INIP: variants seen among roughly 807,000 people sequenced by gnomAD.
INIP encodes the protein SOSS complex subunit C.
A neutral mutation model predicts 14.0 loss-of-function variants in INIP; 9 were observed. The observed-to-expected ratio is 0.64, with a 90% CI of 0.39 to 1.12. The LOEUF is 1.12. INIP is among the 50% of genes most tolerant of loss of function. The probability of loss-of-function intolerance (pLI) is 0.01; values close to 1 mark genes in which losing one functional copy is unlikely to be tolerated. For synonymous variants in INIP, 37 were observed against 41.5 expected (o/e 0.89, Z 0.41); for missense variants, 78 against 122.7 (o/e 0.64, Z 1.72).
Position 112,711,049 on chromosome 9 carries a change from G to A in INIP, c.25+5412C>T, listed in dbSNP as rs181958870. ...AAAAAAGAAAAAAAATTAGCCAGGC[G>A]TGGTAGCATGTGCCTATAGTCTCAG... On this transcript the variant is annotated intron_variant, in intron 2 of 4. Coordinates refer to ENST00000374242, the MANE Select transcript of INIP (RefSeq NM_021218.3). 1.3e-3 allele frequency among the ~76,000 whole-genome samples: 193 copies of A among 151,508 alleles called. 1 individual carries two copies. Among genetic ancestry groups the A allele is most frequent in the African/African-American group, 4.3e-3 (178 of 41,290 alleles).
chr9:112,707,426 A>T (rs1157812503), intron 2 of INIP, among the ~76,000 whole-genome samples: 1 of 151,724 alleles, frequency 6.6e-6, no homozygotes, highest in Non-Finnish European at 1.5e-5. Context: ...ATCTCCATTC[A>T]TAATCACGTA....
chr9:112,704,952 A>G (rs536519144), intron 2 of INIP, among the ~76,000 whole-genome samples: 17 of 152,128 alleles, frequency 1.1e-4, no homozygotes, highest in African/African-American at 4.1e-4. Flanking sequence ...TCTACTAAAA[A>G]TAAGAAAAAT....
At chr9:112,691,993 G>C (rs986807046) in intron 3 of INIP, among the ~76,000 whole-genome samples, 1 of 151,810 alleles carries the variant, frequency 6.6e-6, no homozygotes, top group African/African-American at 2.4e-5. Flanking sequence ...CTGCACAGCA[G>C]AGACCCTGTC....
intron 1 of INIP, among the ~76,000 whole-genome samples, chr9:112,716,949 C>T (rs1838841458): frequency 6.9e-6 from 1 of 144,198 alleles, no homozygotes; most frequent in African/African-American, 2.6e-5. Flanking sequence ...AGCGAGACAG[C>T]GAGACTCGGT....
At chr9:112,710,814 G>A (rs1838624089) in intron 2 of INIP, among the ~76,000 whole-genome samples, 1 of 151,930 alleles carries the variant, frequency 6.6e-6, no homozygotes, top group East Asian at 1.9e-4. Context: ...AAGGCCCTTG[G>A]TATTAATCTC....
intron 2 of INIP, among the ~76,000 whole-genome samples, chr9:112,715,788 A>G (rs1206839229): frequency 1.3e-5 from 2 of 151,582 alleles, no homozygotes; most frequent in African/African-American, 4.8e-5. Context: ...AAAAAAAAAA[A>G]GTATTTTATT....
chr9:112,694,907 T>C (rs1410177298), intron 2 of INIP, among the ~76,000 whole-genome samples: 1 of 152,174 alleles, frequency 6.6e-6, no homozygotes, highest in East Asian at 1.9e-4. Context: ...CAAACTTACG[T>C]AAGATATAGG....
At chr9:112,700,914 G>A (rs1252330725) in intron 2 of INIP, among the ~76,000 whole-genome samples, 2 of 151,968 alleles carry the variant, frequency 1.3e-5, no homozygotes, top group Non-Finnish European at 2.9e-5. Flanking sequence ...TTGCACCACT[G>A]CATTCCAACC....
chr9:112,715,397 A>C (rs950836791), intron 2 of INIP, among the ~76,000 whole-genome samples: 2 of 152,224 alleles, frequency 1.3e-5, no homozygotes, highest in Admixed American at 6.5e-5. Context: ...ATAATACATT[A>C]ACCTTAGCTT....
intron 4 of INIP, 57 bp downstream of exon 4, chr9:112,689,470 G>A: frequency 2.3e-6 from 3 of 1,309,786 alleles, no homozygotes; most frequent in Non-Finnish European, 3.3e-6. Flanking sequence ...ACTATGTGCC[G>A]GCTTCTGAGA....
At chr9:112,701,413 T>G (rs993992358) in intron 2 of INIP, among the ~76,000 whole-genome samples, 1 of 152,224 alleles carries the variant, frequency 6.6e-6, no homozygotes, top group African/African-American at 2.4e-5. Context: ...AGCAAACAAA[T>G]CATGCTCTTA....
At chr9:112,697,108 C>A (rs1326588999) in intron 2 of INIP, among the ~76,000 whole-genome samples, 2 of 152,326 alleles carry the variant, frequency 1.3e-5, no homozygotes, top group African/African-American at 4.8e-5. Flanking sequence ...TGGCAACCAG[C>A]CTCCATCCAG....
intron 2 of INIP, among the ~76,000 whole-genome samples, chr9:112,703,799 T>C (rs1231241542): frequency 1.3e-5 from 2 of 152,088 alleles, no homozygotes; most frequent in East Asian, 1.9e-4. Context: ...AGAAGCCAGT[T>C]TGAGGTTAGC....
In INIP at chr9:112,684,778, G is replaced by A. The variant is rs1837598244; in HGVS notation, c.*2760C>T. On this transcript the variant is annotated 3_prime_UTR_variant, in exon 5 of 5. Coordinates refer to ENST00000374242, the MANE Select transcript of INIP (RefSeq NM_021218.3). ...CACTAGTCTAGACAATTTCTGACAT[G>A]GGCAGAGCATGTGCTTGTTCTCACC... is the stretch of plus-strand genomic sequence containing the variant. The A allele has an allele frequency of 6.6e-6, 1 of 151,554 alleles. No homozygotes were observed. Among genetic ancestry groups the A allele is most frequent in the African/African-American group, 2.4e-5 (1 of 40,866 alleles). 9.4% of individuals were successfully genotyped at this position (151,554 alleles called of 1,614,324 possible).
At chr9:112,687,860 C>T (rs112381247) in intron 4 of INIP, among the ~76,000 whole-genome samples, 2,438 of 151,924 alleles carry the variant, frequency 0.016, 58 homozygotes, top group African/African-American at 0.052. Flanking sequence ...CTGAGGTGGG[C>T]GAATCACGAG....
chr9:112,700,524 AAT>A (rs1220525854), intron 2 of INIP, among the ~76,000 whole-genome samples: 30 of 137,116 alleles, frequency 2.2e-4, no homozygotes, highest in Admixed American at 1.4e-3. Flanking sequence ...AGGTATATAT[AAT>A]ATATATATAT....
intron 2 of INIP, among the ~76,000 whole-genome samples, chr9:112,704,996 A>T (rs1838411646): frequency 1.3e-5 from 2 of 151,340 alleles, no homozygotes; most frequent in Non-Finnish European, 2.9e-5. Flanking sequence ...TTGTGGTCCC[A>T]GTTACTCAGG....
At chr9:112,702,833 G>A (rs1371031367) in intron 2 of INIP, among the ~76,000 whole-genome samples, 1 of 152,188 alleles carries the variant, frequency 6.6e-6, no homozygotes, top group African/African-American at 2.4e-5. Context: ...AAAGTGCTGG[G>A]ATTACAGGCA....
chr9:112,716,324 G>A, intron 2 of INIP, 137 bp downstream of exon 2: 2 of 741,132 alleles, frequency 2.7e-6, no homozygotes, highest in Middle Eastern at 5.0e-4. Context: ...TTACAGGCGT[G>A]AGCCACCGCT....
Sources: gnomAD v4.1 joint callset for allele counts (sites outside exome capture counted in the v4.1 genomes callset) on GRCh38, gnomAD v4.1.1 for gene constraint, MANE v1.5 for transcripts, NCBI Gene and HGNC (gene_info 2026-07-23, HGNC 2026-07-21) for gene names.